C5orf24: variants seen among roughly 807,000 people sequenced by gnomAD.
The protein encoded by C5orf24 is UPF0461 protein C5orf24.
In C5orf24, 4 loss-of-function variants were observed where a neutral mutation model predicts 9.8. That is an observed-to-expected ratio of 0.41 (90% CI 0.20 to 0.93). The LOEUF (loss-of-function observed/expected upper bound fraction) is 0.93, where lower values mean the gene tolerates loss of function less well. Ranked by LOEUF, C5orf24 falls within the 40% of genes least tolerant of loss-of-function variation. The pLI is 0.33. For missense variants in C5orf24, 170 were observed against 236.9 expected (o/e 0.72, Z 1.85); for synonymous variants, 73 against 81.3 (o/e 0.90, Z 0.55).
chr5:134,853,528 C>CTT (rs773207000), intron 1 of C5orf24, among the ~76,000 whole-genome samples: 7,836 of 104,276 alleles, frequency 0.075, 406 homozygotes, highest in East Asian at 0.2. Flanking sequence ...TCTTCTTCTT[C>CTT]TTTTTTTTTT....
chr5:134,858,657 C>T lies in C5orf24; in HGVS notation c.*3190C>T, dbSNP rs567726996. On this transcript the variant is annotated 3_prime_UTR_variant, in exon 2 of 2. Transcript: ENST00000394976. The stretch of plus-strand genomic sequence containing the variant: ...TTCTTTAAAAAGTACTTTAACATGC[C>T]TTATTTATTATATTAGCAAATGAGC... The T allele has an allele frequency of 6.0e-5, 10 of 166,810 alleles. No individual in the cohort carries two copies. Among genetic ancestry groups the T allele is most frequent in the African/African-American group, 2.2e-4 (9 of 41,464 alleles). The allele number at this position is 166,810 out of a possible 1,614,324, so 10.3% of individuals were successfully genotyped here.
chr5:134,849,632 A>G lies in C5orf24; in HGVS notation c.-4+3420A>G, dbSNP rs571110019. On this transcript the variant is annotated intron_variant, in intron 1 of 1. Transcript: ENST00000394976. ...CATACAGAAGCCCTGCACTTCAGAA[A>G]TGTTAAGTCAGTGTCTTTTTTTTTT... is the stretch of plus-strand genomic sequence containing the variant. Among the ~76,000 whole-genome samples, 5 of 140,896 alleles carry G rather than the reference A, an allele frequency of 3.5e-5. No individual in the cohort carries two copies. In the East Asian group the frequency reaches 8.7e-4, roughly 25 times the overall value. The allele number at this position is 140,896 out of a possible 152,430, so 92.4% of individuals were successfully genotyped here.
chr5:134,845,489 G>A (rs1467107084), upstream of C5orf24, among the ~76,000 whole-genome samples: 2 of 152,202 alleles, frequency 1.3e-5, no homozygotes, highest in Non-Finnish European at 2.9e-5. Context: ...ACATAATAGC[G>A]GTAGTTTGTT....
rs969999113 is a variant in C5orf24, at chr5:134,846,005, C to A, written c.-211C>A. The A allele has an allele frequency of 1.3e-5, 2 of 152,384 alleles. No individual in the cohort carries two copies. The highest frequency in any genetic ancestry group is 3.4e-3 in the Middle Eastern group (1 of 296). 9.4% of individuals were successfully genotyped at this position (152,384 alleles called of 1,614,324 possible). A position where few individuals can be genotyped will look rare whatever the true frequency, so the allele number is the denominator to read the frequency against. On this transcript the variant is annotated 5_prime_UTR_variant, in exon 1 of 2. Transcript: ENST00000394976. ...TGGTAGCGGCCTCTTCGTACTGCGT[C>A]CGGGGCAGGACCGTGCGCGGCGGCC...
rs932043145 is a variant in C5orf24, at chr5:134,859,345, G to A, written c.*3878G>A. ...TTAACTGTATGCTGTTAAACTCTAGGATGTATCTGAATCTTTCCTTTTTTC... is the reference window on the plus strand; with the variant it reads ...TTAACTGTATGCTGTTAAACTCTAGAATGTATCTGAATCTTTCCTTTTTTC... On this transcript the variant is annotated 3_prime_UTR_variant, in exon 2 of 2. Coordinates refer to ENST00000394976, the MANE Select transcript of C5orf24 (RefSeq NM_001135586.1). 14 of 166,782 alleles carry A rather than the reference G, an allele frequency of 8.4e-5. No individual in the cohort carries two copies. The highest frequency in any genetic ancestry group is 3.1e-4 in the African/African-American group (13 of 41,384). 10.3% of individuals were successfully genotyped at this position (166,782 alleles called of 1,614,324 possible). A position where few individuals can be genotyped will look rare whatever the true frequency, so the allele number is the denominator to read the frequency against.
Position 134,857,953 on chromosome 5 carries a change from C to T in C5orf24, c.*2486C>T, listed in dbSNP as rs1363901903. Reference sequence around the variant, plus strand: ...CCCTGCCTTTCGTACATTCATTCCTCTTCCTCTACCCTCCAGCACATCTAC... The same window carrying T: ...CCCTGCCTTTCGTACATTCATTCCTTTTCCTCTACCCTCCAGCACATCTAC... On this transcript the variant is annotated 3_prime_UTR_variant, in exon 2 of 2. Coordinates refer to ENST00000394976, the MANE Select transcript of C5orf24 (RefSeq NM_001135586.1). 6.0e-6 allele frequency: 1 copy of T among 167,096 alleles called. No individual in the cohort carries two copies. Among genetic ancestry groups the T allele is most frequent in the Non-Finnish European group, 1.5e-5 (1 of 68,154 alleles). The allele number at this position is 167,096 out of a possible 1,614,324, so 10.4% of individuals were successfully genotyped here. A position where few individuals can be genotyped will look rare whatever the true frequency, so the allele number is the denominator to read the frequency against.
rs1756384404 is a variant in C5orf24, at chr5:134,859,109, A to AG, written c.*3643dup. The AG allele has an allele frequency of 6.0e-6, 1 of 166,916 alleles. No individual in the cohort carries two copies. The highest frequency in any genetic ancestry group is 1.5e-5 in the Non-Finnish European group (1 of 68,032). 10.3% of individuals were successfully genotyped at this position (166,916 alleles called of 1,614,324 possible). On this transcript the variant is annotated 3_prime_UTR_variant, in exon 2 of 2. Coordinates refer to ENST00000394976, the MANE Select transcript of C5orf24 (RefSeq NM_001135586.1). ...AGTGTGTGAGCTAAAGAAAAAAAAAAGTAAATTTCTCCTTTATATTCTAAG... is the reference window on the plus strand; with the variant it reads ...AGTGTGTGAGCTAAAGAAAAAAAAAAGGTAAATTTCTCCTTTATATTCTAAG...
chr5:134,855,456 C>A lies in C5orf24; in HGVS notation c.556C>A (p.Pro186Thr). ...VEETSSEVKP[P>T]NE ...GGAAACTAGCAGTGAAGTCAAACCA[C>A]CCAATGAGTGAATGAGGCAGGAAAA... Residue 186 changes from proline (P) to threonine (T), a missense_variant, in exon 2 of 2, where the codon CCC becomes ACC. Pro to Thr is a conservative substitution (Grantham distance 38). Around this residue, in one of 3 missense-constraint regions of C5orf24, gnomAD observed 56 missense variants for 60.3 expected, o/e 0.93. Transcript: ENST00000394976. The A allele has an allele frequency of 6.2e-7, 1 of 1,614,056 alleles. No homozygotes were observed. Among genetic ancestry groups the A allele is most frequent in the Non-Finnish European group, 8.5e-7 (1 of 1,179,998 alleles).
chr5:134,852,506 A>G (rs1057048248), intron 1 of C5orf24, among the ~76,000 whole-genome samples: 2 of 152,202 alleles, frequency 1.3e-5, no homozygotes, highest in African/African-American at 4.8e-5. Context: ...TACAAACTAA[A>G]GTAAGTTTAC....
chr5:134,852,888 GGGCACGGT>G (rs1756196029), intron 1 of C5orf24, among the ~76,000 whole-genome samples: 1 of 151,230 alleles, frequency 6.6e-6, no homozygotes, highest in South Asian at 2.1e-4. Context: ...AATACAGTCC[GGGCACGGT>G]GGCTCACACC....
chr5:134,854,489 A>G (rs185949400), intron 1 of C5orf24, among the ~76,000 whole-genome samples: 13 of 152,376 alleles, frequency 8.5e-5, no homozygotes, highest in Non-Finnish European at 1.6e-4. Flanking sequence ...GAGGCATTCT[A>G]AGAACATCAG....
intron 1 of C5orf24, among the ~76,000 whole-genome samples, chr5:134,851,183 C>G (rs1280681865): frequency 1.3e-5 from 2 of 152,024 alleles, no homozygotes; most frequent in Non-Finnish European, 2.9e-5. Context: ...CCGCCTTGGC[C>G]TCTCACAGTG....
At chr5:134,844,213 GAAAAA>G (rs1232256259), upstream of C5orf24, among the ~76,000 whole-genome samples, 2 of 151,982 alleles carry the variant, frequency 1.3e-5, no homozygotes, top group East Asian at 3.8e-4. Context: ...ACCTTGCTTA[GAAAAA>G]AAACTTGTTT....
chr5:134,833,606 C>CTG, the C5orf24 span: 1 of 152,174 alleles, frequency 6.6e-6, no homozygotes, highest in African/African-American at 2.4e-5. Context: ...CTAAAGACAG[C>CTG]TACGTTTCCC....
chr5:134,838,556 G>C, the C5orf24 span, among the ~76,000 whole-genome samples: 1 of 152,094 alleles, frequency 6.6e-6, no homozygotes, highest in Non-Finnish European at 1.5e-5. Flanking sequence ...TGTAATCCCA[G>C]CTACTCGGGA....
Position 134,854,799 on chromosome 5 carries a change from A to G in C5orf24, c.-3-99A>G, listed in dbSNP as rs1054830704. ...GTTAGCCTAATTTTATGTAGCCTGC[A>G]TAGTTGTTGGAAGACAGACTGTTTT... On this transcript the variant is annotated intron_variant, in intron 1 of 1. Transcript: ENST00000394976. The G allele has an allele frequency of 1.4e-5, 19 of 1,311,676 alleles. No individual in the cohort carries two copies. In the African/African-American group the frequency reaches 1.9e-4, roughly 13 times the overall value. The allele number at this position is 1,311,676 out of a possible 1,614,324, so 81.3% of individuals were successfully genotyped here.
intron 1 of C5orf24, among the ~76,000 whole-genome samples, chr5:134,847,995 G>A (rs1033430157): frequency 4.6e-5 from 7 of 152,170 alleles, no homozygotes; most frequent in African/African-American, 9.7e-5. Flanking sequence ...GAGCCACCGC[G>A]CCGGACCATT....
At chr5:134,844,122 C>T (rs1755939525), upstream of C5orf24, among the ~76,000 whole-genome samples, 2 of 151,998 alleles carry the variant, frequency 1.3e-5, no homozygotes, top group South Asian at 4.2e-4. Context: ...GTACAAATGC[C>T]ATTTCAGACA....
chr5:134,836,231 A>G, the C5orf24 span, among the ~76,000 whole-genome samples: 2 of 142,290 alleles, frequency 1.4e-5, no homozygotes, highest in African/African-American at 5.3e-5. Flanking sequence ...CTGGTGTGCA[A>G]TGGCGTGATC....
Sources: gnomAD v4.1 joint callset for allele counts (sites outside exome capture counted in the v4.1 genomes callset) on GRCh38, gnomAD v4.1.1 for gene constraint, gnomAD v4.1.1 regional missense constraint, MANE v1.5 for transcripts, NCBI Gene and HGNC (gene_info 2026-07-23, HGNC 2026-07-21) for gene names.